PDE1C: variants seen among roughly 807,000 people sequenced by gnomAD.
PDE1C encodes the protein dual specificity calcium/calmodulin-dependent 3',5'-cyclic nucleotide phosphodiesterase 1C.
In PDE1C, 62 loss-of-function variants were observed where a neutral mutation model predicts 93.1. The ratio of observed to expected loss-of-function variants is 0.67; its 90% confidence interval spans 0.54 to 0.82. The LOEUF (loss-of-function observed/expected upper bound fraction) is 0.82. PDE1C is among the 40% of genes least tolerant of loss of function. The pLI is 0.00. For synonymous variants in PDE1C, 325 were observed against 310.1 expected (o/e 1.05, Z -0.50); for missense variants, 742 against 884.6 (o/e 0.84, Z 2.04).
chr7:32,103,193 A>G (rs1798120626), intron 3 of PDE1C, among the ~76,000 whole-genome samples: 1 of 152,234 alleles, frequency 6.6e-6, no homozygotes, highest in Admixed American at 6.5e-5. Flanking sequence ...AGAGAGTGAG[A>G]AATTTCAACA....
chr7:32,356,253 A>C (rs1377051524), intron 1 of PDE1C, among the ~76,000 whole-genome samples: 2 of 152,246 alleles, frequency 1.3e-5, no homozygotes, highest in Non-Finnish European at 2.9e-5. Context: ...TTCATCTAGG[A>C]AACTGGTTCA....
chr7:32,122,937 A>G (rs760207626), intron 3 of PDE1C, among the ~76,000 whole-genome samples: 2 of 152,218 alleles, frequency 1.3e-5, no homozygotes, highest in Non-Finnish European at 2.9e-5. Context: ...CTGGTTTTTA[A>G]GAAATTAACA....
intron 1 of PDE1C, among the ~76,000 whole-genome samples, chr7:32,344,113 ACCT>A (rs1169216071): frequency 6.6e-6 from 1 of 152,138 alleles, no homozygotes; most frequent in African/African-American, 2.4e-5. Flanking sequence ...TTGCTCTGTC[ACCT>A]GGGCTGGAGT....
At chr7:32,051,715 C>A in intron 1 of PDE1C, 135 bp from the exon 2 acceptor site, 1 of 709,918 alleles carries the variant, frequency 1.4e-6, no homozygotes, top group Non-Finnish European at 2.5e-6. Flanking sequence ...TTATGGGTTT[C>A]AAAGCTTAGT....
At chr7:32,030,071 A>G (rs1790096598) in intron 2 of PDE1C, among the ~76,000 whole-genome samples, 1 of 143,012 alleles carries the variant, frequency 7.0e-6, no homozygotes, top group African/African-American at 2.6e-5. Flanking sequence ...TGAAAAATGC[A>G]TATTATAACA....
At chr7:31,819,530 T>A (rs1183160919) in intron 14 of PDE1C, among the ~76,000 whole-genome samples, 1 of 152,076 alleles carries the variant, frequency 6.6e-6, no homozygotes, top group Non-Finnish European at 1.5e-5. Context: ...GCAAGAGATG[T>A]GCGGTTCATT....
chr7:32,013,213 T>G lies in PDE1C; in HGVS notation c.128+38341A>C, dbSNP rs1471654437. Among the ~76,000 whole-genome samples, 3 of 152,146 alleles carry G rather than the reference T, an allele frequency of 2.0e-5. No individual in the cohort carries two copies. In the East Asian group the frequency reaches 5.8e-4, roughly 29 times the overall value. On this transcript the variant is annotated intron_variant, in intron 2 of 17. Transcript: ENST00000396191. ...GTTTTTTAATTATCTAAAATCAAAT[T>G]TTCAAATATGAGTCATGATCTCCCC...
intron 2 of PDE1C, among the ~76,000 whole-genome samples, chr7:32,197,063 G>A (rs1384191110): frequency 6.6e-6 from 1 of 152,118 alleles, no homozygotes; most frequent in Non-Finnish European, 1.5e-5. Flanking sequence ...AAGTTTGGCA[G>A]TTTTTTTGTG....
At chr7:32,287,588 T>C (rs1812074058) in intron 1 of PDE1C, among the ~76,000 whole-genome samples, 1 of 152,234 alleles carries the variant, frequency 6.6e-6, no homozygotes, top group South Asian at 2.1e-4. Flanking sequence ...CCTAACACAA[T>C]CGCTGCCATA....
intron 1 of PDE1C, among the ~76,000 whole-genome samples, chr7:32,216,971 G>A (rs575499819): frequency 3.5e-4 from 53 of 152,334 alleles, no homozygotes; most frequent in African/African-American, 1.2e-3. Flanking sequence ...TCACCCGCCT[G>A]GCCCCTGGTA....
intron 2 of PDE1C, among the ~76,000 whole-genome samples, chr7:32,042,254 C>T (rs974917005): frequency 1.3e-5 from 2 of 152,158 alleles, no homozygotes; most frequent in Non-Finnish European, 2.9e-5. Flanking sequence ...GAGCTGAGAT[C>T]TTGCCTCTGC....
intron 2 of PDE1C, among the ~76,000 whole-genome samples, chr7:31,981,771 C>G (rs1219225539): frequency 1.3e-5 from 2 of 152,152 alleles, no homozygotes; most frequent in African/African-American, 4.8e-5. Flanking sequence ...GAGGAAATAA[C>G]AGAGAAAGTG....
At chr7:32,340,632 T>C (rs559536243) in intron 1 of PDE1C, among the ~76,000 whole-genome samples, 85 of 152,318 alleles carry the variant, frequency 5.6e-4, no homozygotes, top group South Asian at 2.9e-3. Context: ...AACTGTGTTA[T>C]ATCCAGACAA....
chr7:32,013,141 C>T (rs772357418), intron 2 of PDE1C, among the ~76,000 whole-genome samples: 4 of 152,102 alleles, frequency 2.6e-5, no homozygotes, highest in Non-Finnish European at 4.4e-5. Context: ...TTAATATACA[C>T]GAGCTCTGAT....
At chr7:31,668,868 A>G in the PDE1C span, among the ~76,000 whole-genome samples, 1 of 152,212 alleles carries the variant, frequency 6.6e-6, no homozygotes, top group African/African-American at 2.4e-5. Context: ...TAAGATCAAC[A>G]TGCAAATACC....
At chr7:31,952,400 C>T (rs2129016112) in intron 2 of PDE1C, among the ~76,000 whole-genome samples, 1 of 152,256 alleles carries the variant, frequency 6.6e-6, no homozygotes, top group African/African-American at 2.4e-5. Context: ...CAGGCATAAG[C>T]TACCATGCCC....
At chr7:31,742,903 C>T in the PDE1C span, among the ~76,000 whole-genome samples, 1 of 152,182 alleles carries the variant, frequency 6.6e-6, no homozygotes, top group Admixed American at 6.5e-5. Context: ...CTCCAATGAT[C>T]TCTCAGTAAT....
chr7:31,898,023 TG>T (rs200457910), intron 2 of PDE1C, among the ~76,000 whole-genome samples: 1,927 of 26,828 alleles, frequency 0.072, 15 homozygotes, highest in Non-Finnish European at 0.14. Flanking sequence ...GGTTTCTTTG[TG>T]TGTGTGTGTG....
chr7:32,263,028 C>T (rs190744625), intron 1 of PDE1C, among the ~76,000 whole-genome samples: 1 of 152,254 alleles, frequency 6.6e-6, no homozygotes, highest in East Asian at 1.9e-4. Flanking sequence ...TTACCAGAGT[C>T]CAGTTTCCTC....
Sources: allele counts gnomAD v4.1 joint callset (sites outside exome capture counted in the v4.1 genomes callset), GRCh38; gene constraint gnomAD v4.1.1; transcripts MANE v1.5; gene names NCBI Gene and HGNC (gene_info 2026-07-23, HGNC 2026-07-21).